The following CLEC17A variants were observed in gnomAD, a reference collection of about 807,000 sequenced individuals.
CLEC17A encodes C-type lectin domain family 17, member A.
Under a neutral mutation model 61.3 loss-of-function variants are expected in CLEC17A, and 37 were observed. The observed-to-expected ratio is 0.60, with a 90% CI of 0.46 to 0.79. The LOEUF (loss-of-function observed/expected upper bound fraction) is 0.79, where lower values mean the gene tolerates loss of function less well. Ranked by LOEUF, CLEC17A falls within the 30% of genes least tolerant of loss-of-function variation. CLEC17A has a pLI of 0.00. For synonymous variants in CLEC17A, 168 were observed against 164.9 expected, an observed-to-expected ratio of 1.02 and a Z score of -0.14; for missense variants, 418 against 464.7, an observed-to-expected ratio of 0.90 and a Z score of 0.92.
chr19:14,609,918 G>A (rs925359191), intron 13 of CLEC17A, 146 bp from the exon 14 acceptor site: 16 of 609,978 alleles, frequency 2.6e-5, no homozygotes, highest in African/African-American at 1.1e-4. Context: ...CACTGTGCCC[G>A]GCTTACAGGT....
intron 2 of CLEC17A, among the ~76,000 whole-genome samples, chr19:14,586,294 T>A (rs1241226897): frequency 2.0e-5 from 3 of 152,066 alleles, no homozygotes; most frequent in Non-Finnish European, 4.4e-5. Flanking sequence ...CCGGCTAATT[T>A]TGTATTTTTA....
intron 12 of CLEC17A, among the ~76,000 whole-genome samples, chr19:14,601,058 A>G (rs2074702318): frequency 1.3e-5 from 2 of 151,692 alleles, no homozygotes; most frequent in African/African-American, 4.8e-5. Context: ...ATGTGCCACC[A>G]CGCCTGGCTA....
At chr19:14,604,216 C>T (rs2074795252) in intron 12 of CLEC17A, among the ~76,000 whole-genome samples, 1 of 152,120 alleles carries the variant, frequency 6.6e-6, no homozygotes, top group Non-Finnish European at 1.5e-5. Context: ...TCCCCAGGTC[C>T]CTTCTGCTTT....
At chr19:14,605,756 C>T (rs774988067) in intron 12 of CLEC17A, among the ~76,000 whole-genome samples, 9 of 151,866 alleles carry the variant, frequency 5.9e-5, no homozygotes, top group East Asian at 1.9e-4. Context: ...GACTTTTTTC[C>T]GGGACAGAGG....
At chr19:14,597,264 C>T in intron 10 of CLEC17A, 103 bp downstream of exon 10, 3 of 1,042,298 alleles carry the variant, frequency 2.9e-6, no homozygotes, top group Non-Finnish European at 4.4e-6. Context: ...TTGCTGGGCA[C>T]TGTGCTAGGT....
intron 3 of CLEC17A, among the ~76,000 whole-genome samples, chr19:14,589,547 C>T (rs1000335974): frequency 4.7e-5 from 6 of 128,248 alleles, no homozygotes; most frequent in African/African-American, 2.1e-4. Context: ...CCTCCTACTA[C>T]ACCCTCCCGA....
chr19:14,591,153 TTTC>T (rs1442504943), intron 3 of CLEC17A, among the ~76,000 whole-genome samples: 1 of 151,610 alleles, frequency 6.6e-6, no homozygotes, highest in Non-Finnish European at 1.5e-5. Context: ...TCTTTTTCCT[TTTC>T]TTCTTTTTTT....
chr19:14,587,259 G>T (rs1568446103), intron 2 of CLEC17A, among the ~76,000 whole-genome samples: 1 of 143,150 alleles, frequency 7.0e-6, no homozygotes, highest in Non-Finnish European at 1.5e-5. Context: ...GTGTGTGTGT[G>T]TGTTTGTGTT....
chr19:14,582,952 A>G (rs2074199746), upstream of CLEC17A: 5 of 557,322 alleles, frequency 9.0e-6, no homozygotes, highest in Non-Finnish European at 3.2e-6. Flanking sequence ...CTGGGGAGAA[A>G]GGCTCTGTGT....
intron 13 of CLEC17A, among the ~76,000 whole-genome samples, chr19:14,608,742 TC>T (rs1426227620): frequency 1.3e-5 from 2 of 148,828 alleles, no homozygotes; most frequent in Non-Finnish European, 1.5e-5. Context: ...CAAGTGATTC[TC>T]CCACCTCAGA....
chr19:14,596,977 C>T lies in CLEC17A; in HGVS notation c.547C>T (p.Leu183=). 1 of 1,609,070 alleles carries T rather than the reference C, an allele frequency of 6.2e-7. No homozygotes were observed. Among genetic ancestry groups the T allele is most frequent in the Middle Eastern group, 1.7e-4 (1 of 6,060 alleles). ...TCTGCTGGTGGTGACTTCCCTGTTC[C>T]TGGGCTGCCTTGGTCTCACTGTGAC... ...LCLLVVTSLF[L]GCLGLTVTLI... is the part of the protein sequence containing the mutation. Residue 183 remains leucine, a synonymous_variant, in exon 9 of 14, where the codon CTG becomes TTG. Coordinates refer to ENST00000417570, the MANE Select transcript of CLEC17A (RefSeq NM_001204118.2).
chr19:14,594,648 A>G lies in CLEC17A; in HGVS notation c.327A>G (p.Lys109=). 1 of 1,613,342 alleles carries G rather than the reference A, an allele frequency of 6.2e-7. No individual in the cohort carries two copies. The highest frequency in any genetic ancestry group is 8.5e-7 in the Non-Finnish European group (1 of 1,179,770). The stretch of plus-strand genomic sequence containing the variant: ...CCTCCTCAGCAAAGGAAACAGAGAA[A>G]CCCCCACTTCCTTGCAAGCCCCGGA... ...RPPRAAKETE[K]PPLPCKPRNM... The change falls in exon 6 of 14, where the codon AAA becomes AAG. Residue 109 remains lysine (K), a synonymous_variant. Transcript: ENST00000417570.
At chr19:14,598,973 C>G (rs918856863) in intron 10 of CLEC17A, among the ~76,000 whole-genome samples, 1 of 151,418 alleles carries the variant, frequency 6.6e-6, no homozygotes, top group Non-Finnish European at 1.5e-5. Context: ...ATAAAGGATC[C>G]AGGCATCTGA....
intron 12 of CLEC17A, among the ~76,000 whole-genome samples, chr19:14,605,667 T>C (rs1224784509): frequency 6.6e-6 from 1 of 152,010 alleles, no homozygotes; most frequent in East Asian, 1.9e-4. Context: ...TGGAGAGGAG[T>C]TGCTTCTAAC....
rs373133531 is a variant in CLEC17A, at chr19:14,605,270, A to T, written c.895-1723A>T. Among the ~76,000 whole-genome samples, 63 of 151,732 alleles carry T rather than the reference A, an allele frequency of 4.2e-4. No homozygotes were observed. The East Asian group carries it at 4.5e-3, about 11-fold the overall frequency. ...GACACCACGCCTGGCTAATTTTTGT[A>T]TTTTTAGTAGAGATGGGGTTTTGCC... On this transcript the variant is annotated intron_variant, in intron 12 of 13. Transcript: ENST00000417570.
intron 2 of CLEC17A, among the ~76,000 whole-genome samples, chr19:14,586,737 T>C (rs189352368): frequency 3.5e-4 from 53 of 152,174 alleles, no homozygotes; most frequent in Middle Eastern, 6.8e-3. Context: ...TATTTCTATG[T>C]CTCTTTACTG....
rs751146435 is a variant in CLEC17A at position 14,594,726 on chromosome 19, C to G, written c.362-33C>G. 82 of 1,613,850 alleles carry G rather than the reference C, an allele frequency of 5.1e-5. No homozygotes were observed. In the Admixed American group the frequency reaches 6.0e-4, roughly 12 times the overall value. ...AGTCTTCCTGCTCACCTGGCTGAAG[C>G]CCTTCTTGAAATGACTTTCTCATCT... is the stretch of plus-strand genomic sequence containing the variant. On this transcript the variant is annotated intron_variant, in intron 6 of 13. Coordinates refer to ENST00000417570, the MANE Select transcript of CLEC17A (RefSeq NM_001204118.2).
chr19:14,610,269 C>T lies in CLEC17A; in HGVS notation c.*73C>T, dbSNP rs371317801. The stretch of plus-strand genomic sequence containing the variant: ...TGAGAATCTCCTGCCCTTTCGTGGA[C>T]GGCCTTGCCTCTTCGTGAGTGGACA... On this transcript the variant is annotated 3_prime_UTR_variant, in exon 14 of 14. Transcript: ENST00000417570. 5.1e-5 allele frequency: 78 copies of T among 1,528,684 alleles called. No individual in the cohort carries two copies. Among genetic ancestry groups the T allele is most frequent in the African/African-American group, 3.0e-4 (22 of 72,822 alleles). 94.7% of individuals were successfully genotyped at this position (1,528,684 alleles called of 1,614,324 possible).
In CLEC17A at chr19:14,607,450, G is replaced by A. The variant is rs546627128; in HGVS notation, c.1004+348G>A. ...GATCTCCTGACCTCGTGATCTGCCC[G>A]CCTTGGCCTCCCAAAGTGCTGGGAT... On this transcript the variant is annotated intron_variant, in intron 13 of 13. Transcript: ENST00000417570. Among the ~76,000 whole-genome samples, 946 of 151,804 alleles carry A rather than the reference G, an allele frequency of 6.2e-3. 5 individuals carry two copies. The highest frequency in any genetic ancestry group is 0.011 in the Non-Finnish European group (775 of 67,876).
Sources: gnomAD v4.1 joint callset for allele counts (sites outside exome capture counted in the v4.1 genomes callset) on GRCh38, gnomAD v4.1.1 for gene constraint, MANE v1.5 for transcripts, NCBI Gene and HGNC (gene_info 2026-07-23, HGNC 2026-07-21) for gene names.